DPY19L1: variants seen among roughly 807,000 people sequenced by gnomAD.
DPY19L1 encodes protein C-mannosyl-transferase DPY19L1.
DPY19L1 carries 35 observed loss-of-function variants against 96.9 expected under a neutral mutation model. That is an observed-to-expected ratio of 0.36 (90% CI 0.28 to 0.48). The LOEUF (loss-of-function observed/expected upper bound fraction) is 0.48, where lower values mean the gene tolerates loss of function less well. Among genes scored for constraint, DPY19L1 ranks in the 20% least tolerant of loss-of-function variants. The pLI is 0.99. For missense variants in DPY19L1, 521 were observed against 777.9 expected (o/e 0.67, Z 3.93); for synonymous variants, 205 against 252.6 (o/e 0.81, Z 1.79).
At chr7:34,996,307 G>GTACA (rs1343596845) in intron 6 of DPY19L1, among the ~76,000 whole-genome samples, 2 of 152,200 alleles carry the variant, frequency 1.3e-5, no homozygotes, top group Non-Finnish European at 2.9e-5. Flanking sequence ...GCAGGACCAT[G>GTACA]TGTTCAGGTG....
At chr7:35,016,740 T>C (rs1251792824) in intron 3 of DPY19L1, among the ~76,000 whole-genome samples, 3 of 152,188 alleles carry the variant, frequency 2.0e-5, no homozygotes, top group Non-Finnish European at 4.4e-5. Flanking sequence ...ACCTAGGAAG[T>C]ATTCCTGCCA....
intron 3 of DPY19L1, among the ~76,000 whole-genome samples, chr7:35,017,301 G>A (rs946334066): frequency 1.3e-5 from 2 of 151,448 alleles, no homozygotes; most frequent in African/African-American, 4.9e-5. Flanking sequence ...AGACCATCCT[G>A]GCTAACAAGG....
At chr7:35,030,005 C>A (rs1786222884) in intron 1 of DPY19L1, among the ~76,000 whole-genome samples, 1 of 152,138 alleles carries the variant, frequency 6.6e-6, no homozygotes, top group Non-Finnish European at 1.5e-5. Flanking sequence ...AAGAGGGTAA[C>A]CTTTAAGTTC....
chr7:34,960,955 A>G (rs1784488490), intron 10 of DPY19L1, among the ~76,000 whole-genome samples: 1 of 152,194 alleles, frequency 6.6e-6, no homozygotes, highest in Non-Finnish European at 1.5e-5. Context: ...GCACTTAGAT[A>G]CAAATTTAAC....
chr7:34,985,678 T>C (rs1278689780), intron 7 of DPY19L1, among the ~76,000 whole-genome samples: 1 of 151,922 alleles, frequency 6.6e-6, no homozygotes, highest in Non-Finnish European at 1.5e-5. Context: ...ATGATAAGTG[T>C]TGGAGAGGAT....
chr7:35,035,276 A>C (rs1044051219), intron 1 of DPY19L1, among the ~76,000 whole-genome samples: 2 of 152,184 alleles, frequency 1.3e-5, no homozygotes, highest in African/African-American at 4.8e-5. Context: ...ACCTCCTTTC[A>C]ATGCTCAAAG....
intron 1 of DPY19L1, among the ~76,000 whole-genome samples, chr7:35,030,147 T>C (rs1382905847): frequency 6.6e-6 from 1 of 152,182 alleles, no homozygotes; most frequent in East Asian, 1.9e-4. Context: ...ATGATTAATA[T>C]GAAAACCCGC....
At chr7:35,000,455 C>G (rs1269783567) in intron 6 of DPY19L1, 18 of 152,174 alleles carry the variant, frequency 1.2e-4, no homozygotes, top group Non-Finnish European at 2.6e-4. Flanking sequence ...AATCCGCCCC[C>G]CAACATGCAG....
intron 21 of DPY19L1, among the ~76,000 whole-genome samples, chr7:34,933,300 G>A (rs1272693486): frequency 1.3e-5 from 2 of 152,236 alleles, no homozygotes; most frequent in East Asian, 3.9e-4. Context: ...CCCACTCCTC[G>A]CTTCCCGAGT....
intron 21 of DPY19L1, among the ~76,000 whole-genome samples, chr7:34,933,328 A>C (rs917031): frequency 0.47 from 71,547 of 152,038 alleles, 17,292 homozygotes; most frequent in Admixed American, 0.61. Flanking sequence ...CCGTACCATT[A>C]TTATGCTTCG....
At chr7:35,031,398 TAGGG>T (rs1273952125) in intron 1 of DPY19L1, among the ~76,000 whole-genome samples, 3 of 152,218 alleles carry the variant, frequency 2.0e-5, no homozygotes, top group Non-Finnish European at 4.4e-5. Context: ...CATTTTATAC[TAGGG>T]ACTTGAGAAT....
At chr7:34,958,580 T>A (rs1410270805) in intron 10 of DPY19L1, among the ~76,000 whole-genome samples, 1 of 152,244 alleles carries the variant, frequency 6.6e-6, no homozygotes, top group African/African-American at 2.4e-5. Flanking sequence ...ATACCTTATG[T>A]GCATGTCAGT....
intron 21 of DPY19L1, among the ~76,000 whole-genome samples, chr7:34,932,774 T>C (rs1783783054): frequency 6.6e-6 from 1 of 152,212 alleles, no homozygotes; most frequent in Non-Finnish European, 1.5e-5. Context: ...TGCTGCTATC[T>C]ACCTTTTGAG....
chr7:34,940,424 A>G (rs952240444), intron 18 of DPY19L1, 97 bp from the exon 19 acceptor site: 144 of 957,150 alleles, frequency 1.5e-4, no homozygotes, highest in Non-Finnish European at 2.0e-4. Context: ...GGCCTCTGCT[A>G]GAGTCCCAAA....
At chr7:34,939,105 A>G in intron 20 of DPY19L1, 171 bp downstream of exon 20, 1 of 530,450 alleles carries the variant, frequency 1.9e-6, no homozygotes, top group Admixed American at 3.7e-5. Context: ...TGAAGCTTTA[A>G]CGGATTTGTT....
At chr7:34,973,094 A>G (rs1784757708) in intron 8 of DPY19L1, among the ~76,000 whole-genome samples, 1 of 152,124 alleles carries the variant, frequency 6.6e-6, no homozygotes. Flanking sequence ...GCTATATTCA[A>G]TATTTGTCAG....
intron 1 of DPY19L1, among the ~76,000 whole-genome samples, chr7:35,029,311 C>T (rs1786204779): frequency 6.6e-6 from 1 of 152,170 alleles, no homozygotes; most frequent in Admixed American, 6.5e-5. Context: ...ATAAGATACA[C>T]AACCAAGATA....
chr7:34,954,563 A>G, intron 13 of DPY19L1, 135 bp downstream of exon 13: 1 of 524,510 alleles, frequency 1.9e-6, no homozygotes, highest in Non-Finnish European at 3.4e-6. Context: ...ACTTTCTATT[A>G]TATTAAATAA....
chr7:34,973,370 T>TTC, intron 8 of DPY19L1, 144 bp downstream of exon 8: 1 of 441,192 alleles, frequency 2.3e-6, no homozygotes, highest in Admixed American at 4.5e-5. Flanking sequence ...GATACTATTT[T>TTC]TAAGTTACAC....
Sources: gnomAD v4.1 joint callset for allele counts (sites outside exome capture counted in the v4.1 genomes callset) on GRCh38, gnomAD v4.1.1 for gene constraint, MANE v1.5 for transcripts, NCBI Gene and HGNC (gene_info 2026-07-23, HGNC 2026-07-21) for gene names.